The following PLCE1 variants were observed in gnomAD, a reference collection of about 807,000 sequenced individuals.
PLCE1 encodes phospholipase C epsilon 1.
Under a neutral mutation model 242.8 loss-of-function variants are expected in PLCE1, and 119 were observed. The ratio of observed to expected loss-of-function variants is 0.49; its 90% confidence interval spans 0.42 to 0.57. The LOEUF (loss-of-function observed/expected upper bound fraction) is 0.57. PLCE1 is among the 20% of genes least tolerant of loss of function. The probability of loss-of-function intolerance (pLI) is 0.00; values close to 1 mark genes in which losing one functional copy is unlikely to be tolerated. For missense variants in PLCE1, 2,441 were observed against 2,788.8 expected (o/e 0.88, Z 2.81); for synonymous variants, 945 against 1,017.4 (o/e 0.93, Z 1.35).
chr10:94,146,356 G>C (rs539839563), intron 3 of PLCE1, among the ~76,000 whole-genome samples: 1 of 152,098 alleles, frequency 6.6e-6, no homozygotes, highest in Non-Finnish European at 1.5e-5. Context: ...AAAAATTAGA[G>C]TCAGTTAAGA....
intron 14 of PLCE1, among the ~76,000 whole-genome samples, chr10:94,264,364 G>A (rs1454823783): frequency 1.3e-5 from 2 of 152,120 alleles, no homozygotes; most frequent in African/African-American, 2.4e-5. Context: ...AGCTGCACAA[G>A]CCAGGCAGAG....
intron 3 of PLCE1, 38 bp downstream of exon 3, chr10:94,132,497 G>A: frequency 6.3e-7 from 1 of 1,577,270 alleles, no homozygotes; most frequent in Middle Eastern, 1.7e-4. Context: ...TTCTATCTTT[G>A]ACTACAGAGA....
At chr10:94,004,850 G>A (rs1377614147) in intron 1 of PLCE1, among the ~76,000 whole-genome samples, 3 of 152,168 alleles carry the variant, frequency 2.0e-5, no homozygotes, top group Admixed American at 6.5e-5. Flanking sequence ...TCATGCAGGT[G>A]GGGACCTGAC....
Position 94,227,442 on chromosome 10 carries a change from C to A in PLCE1, c.1946C>A (p.Ala649Asp). 6.2e-7 allele frequency: 1 copy of A among 1,613,926 alleles called. No homozygotes were observed. The highest frequency in any genetic ancestry group is 8.5e-7 in the Non-Finnish European group (1 of 1,179,784). The change falls in exon 5 of 33, where the codon GCT becomes GAT. Residue 649 changes from alanine to aspartate, a missense_variant. By Grantham distance (126) the Ala-to-Asp change is moderately radical. Around this residue, in one of 5 missense-constraint regions of PLCE1, gnomAD observed 733 missense variants for 754.2 expected, o/e 0.97. Transcript: ENST00000371380. ...GNYNAVMEFLAGLRSRKVLKM... is the reference protein window; with the variant it reads ...GNYNAVMEFLDGLRSRKVLKM... Reference sequence around the variant, plus strand: ...TACAACGCTGTCATGGAGTTCTTGGCTGGCCTCAGGTATAGTCAGTGGGGA... The same window carrying A: ...TACAACGCTGTCATGGAGTTCTTGGATGGCCTCAGGTATAGTCAGTGGGGA...
At chr10:94,120,255 A>G (rs945828711) in intron 2 of PLCE1, among the ~76,000 whole-genome samples, 1 of 152,028 alleles carries the variant, frequency 6.6e-6, no homozygotes, top group African/African-American at 2.4e-5. Context: ...ACCACTACCT[A>G]TTTCATTTGC....
intron 29 of PLCE1, among the ~76,000 whole-genome samples, chr10:94,319,757 A>G (rs1472638180): frequency 6.6e-6 from 1 of 152,152 alleles, no homozygotes; most frequent in African/African-American, 2.4e-5. Context: ...GCTTAGTAAA[A>G]AGGGATATAA....
intron 1 of PLCE1, among the ~76,000 whole-genome samples, chr10:94,002,424 AGT>A (rs950991657): frequency 6.6e-5 from 10 of 152,138 alleles, no homozygotes; most frequent in Non-Finnish European, 1.5e-5. Context: ...AAGTTAAGAG[AGT>A]GTGCTCATTT....
intron 2 of PLCE1, chr10:94,107,928 G>A (rs1345269330): frequency 6.6e-6 from 1 of 152,074 alleles, no homozygotes; most frequent in South Asian, 2.1e-4. Context: ...GTCTACAAAC[G>A]ATTGCATTAG....
chr10:94,155,088 G>A (rs766103902), intron 3 of PLCE1, among the ~76,000 whole-genome samples: 2 of 151,844 alleles, frequency 1.3e-5, no homozygotes, highest in African/African-American at 2.4e-5. Context: ...TCCTCCAGAT[G>A]CTAAACATAG....
chr10:94,158,328 C>T (rs770518683), intron 3 of PLCE1, among the ~76,000 whole-genome samples: 20 of 152,136 alleles, frequency 1.3e-4, no homozygotes, highest in Admixed American at 2.6e-4. Flanking sequence ...AACTTTGAGT[C>T]AGTAATGCCA....
chr10:94,264,173 TG>T (rs2051417304), intron 14 of PLCE1, among the ~76,000 whole-genome samples: 1 of 151,940 alleles, frequency 6.6e-6, no homozygotes, highest in Non-Finnish European at 1.5e-5. Flanking sequence ...ATACAGGAGG[TG>T]GGCTGAGGAG....
intron 3 of PLCE1, among the ~76,000 whole-genome samples, chr10:94,141,715 G>A (rs1275046064): frequency 7.1e-6 from 1 of 140,630 alleles, no homozygotes; most frequent in African/African-American, 2.6e-5. Flanking sequence ...GGGAGGGAGG[G>A]AGGGGAAGGA....
At chr10:94,028,506 A>G (rs1431079348) in intron 1 of PLCE1, among the ~76,000 whole-genome samples, 3 of 152,138 alleles carry the variant, frequency 2.0e-5, no homozygotes, top group East Asian at 1.9e-4. Flanking sequence ...CATTCCATAC[A>G]TTAGAGGGAA....
chr10:94,065,821 C>T (rs2044180922), intron 2 of PLCE1, among the ~76,000 whole-genome samples: 1 of 152,116 alleles, frequency 6.6e-6, no homozygotes, highest in Admixed American at 6.6e-5. Flanking sequence ...ATCTCAGCCT[C>T]AAGTTATTTG....
chr10:94,241,203 C>T (rs1376569390), intron 7 of PLCE1, among the ~76,000 whole-genome samples: 1 of 152,138 alleles, frequency 6.6e-6, no homozygotes. Flanking sequence ...CCCCTCTCTC[C>T]CAGCTTACAT....
intron 1 of PLCE1, among the ~76,000 whole-genome samples, chr10:94,016,831 AG>A (rs1231646800): frequency 1.1e-4 from 16 of 152,210 alleles, no homozygotes; most frequent in Non-Finnish European, 2.9e-5. Flanking sequence ...TTTGTTAAAA[AG>A]TTAGTGTAGA....
chr10:94,209,549 T>C (rs142408553), intron 4 of PLCE1, among the ~76,000 whole-genome samples: 1 of 152,344 alleles, frequency 6.6e-6, no homozygotes, highest in East Asian at 1.9e-4. Context: ...TACAAATTTC[T>C]GACCTCTTCC....
At chr10:94,295,120 G>T (rs573658855) in intron 23 of PLCE1, among the ~76,000 whole-genome samples, 1 of 151,798 alleles carries the variant, frequency 6.6e-6, no homozygotes, top group Admixed American at 6.6e-5. Context: ...GTTTTACCAT[G>T]TTAGCCAGGG....
In PLCE1 at chr10:94,236,091, A is replaced by G. The variant is rs2050315194; in HGVS notation, c.2391A>G (p.Lys797=). 6.8e-6 allele frequency: 11 copies of G among 1,613,766 alleles called. No homozygotes were observed. The highest frequency in any genetic ancestry group is 1.3e-5 in the African/African-American group (1 of 74,932). Residue 797 remains lysine, a synonymous_variant, in exon 7 of 33, where the codon AAA becomes AAG. Transcript: ENST00000371380. ...DSPSEGNSSR[K]SSLKDKSRWQ... The stretch of plus-strand genomic sequence containing the variant: ...CCAGTGAAGGAAACAGCTCCAGGAA[A>G]AGCTCCTTGAAGGATAAAAGCCGAT...
Sources: gnomAD v4.1 joint callset for allele counts (sites outside exome capture counted in the v4.1 genomes callset) on GRCh38, gnomAD v4.1.1 for gene constraint, gnomAD v4.1.1 regional missense constraint, MANE v1.5 for transcripts, NCBI Gene and HGNC (gene_info 2026-07-23, HGNC 2026-07-21) for gene names.